The following CNEP1R1 variants were observed in gnomAD, a reference collection of about 807,000 sequenced individuals.
CNEP1R1 encodes the protein CTD nuclear envelope phosphatase 1 regulatory subunit 1.
CNEP1R1 carries 10 observed loss-of-function variants against 22.7 expected under a neutral mutation model. The ratio of observed to expected loss-of-function variants is 0.44; its 90% CI spans 0.27 to 0.75. The LOEUF (loss-of-function observed/expected upper bound fraction) is 0.75. CNEP1R1 is among the 30% of genes least tolerant of loss of function. The pLI, the probability that CNEP1R1 is intolerant of heterozygous loss-of-function variation, is 0.17. For missense variants in CNEP1R1, 73 were observed against 151.5 expected (o/e 0.48, Z 2.72); for synonymous variants, 53 against 50.1 (o/e 1.06, Z -0.25).
chr16:50,036,845 A>T lies in CNEP1R1; in HGVS notation c.*1387A>T, dbSNP rs1482042700. 7 of 152,640 alleles carry T rather than the reference A, an allele frequency of 4.6e-5. No individual in the cohort carries two copies. The highest frequency in any genetic ancestry group is 4.6e-4 in the Admixed American group (7 of 15,276). The allele number at this position is 152,640 out of a possible 1,614,324, so 9.5% of individuals were successfully genotyped here. A position where few individuals can be genotyped will look rare whatever the true frequency, so the allele number is the denominator to read the frequency against. ...TGAGCAATCTTTTAAATTTCATTTA[A>T]CATAAAGCTGAAAATTCAATAACAG... On this transcript the variant is annotated 3_prime_UTR_variant, in exon 6 of 6. Transcript: ENST00000427478.
intron 2 of CNEP1R1, among the ~76,000 whole-genome samples, chr16:50,028,762 T>C (rs1156351831): frequency 6.6e-6 from 1 of 152,208 alleles, no homozygotes; most frequent in African/African-American, 2.4e-5. Context: ...CATACATGTG[T>C]AATATAGTGC....
intron 1 of CNEP1R1, chr16:50,025,921 G>T (rs1597115710): frequency 2.5e-5 from 14 of 551,956 alleles, no homozygotes. Flanking sequence ...GCCAGACGGC[G>T]TAGCCATTAA....
intron 3 of CNEP1R1, among the ~76,000 whole-genome samples, chr16:50,031,925 A>G (rs976329158): frequency 1.3e-5 from 2 of 152,228 alleles, no homozygotes; most frequent in Non-Finnish European, 2.9e-5. Flanking sequence ...AGCACTGTAT[A>G]TGCTAACCTG....
chr16:50,032,041 G>C (rs1224461210), intron 3 of CNEP1R1, among the ~76,000 whole-genome samples: 1 of 152,160 alleles, frequency 6.6e-6, no homozygotes, highest in Non-Finnish European at 1.5e-5. Flanking sequence ...ATCTTTCTGG[G>C]AGCTTCTTTC....
In CNEP1R1 at chr16:50,033,435, C is replaced by A; in HGVS notation, c.210C>A (p.Phe70Leu). ...FFTSLWNHPF[F>L]TISCITLIGL... is the part of the protein sequence containing the mutation. ...CATCATTATGGAATCACCCATTTTT[C>A]ACCATTAGCTGTATCACTCTAATAG... is the stretch of plus-strand genomic sequence containing the variant. Residue 70 changes from phenylalanine (F) to leucine (L), a missense_variant, in exon 4 of 6, where the codon TTC becomes TTA. By Grantham distance (22) the Phe-to-Leu change is conservative. Transcript: ENST00000427478. 6.2e-7 allele frequency: 1 copy of A among 1,601,020 alleles called. No homozygotes were observed. The highest frequency in any genetic ancestry group is 8.6e-7 in the Non-Finnish European group (1 of 1,169,428).
At chr16:50,026,110 G>T (rs2036180601) in intron 1 of CNEP1R1, 1 of 432,688 alleles carries the variant, frequency 2.3e-6, no homozygotes, top group East Asian at 3.5e-5. Context: ...CGCTGGCCGA[G>T]GCTGCTGCTT....
At position 50,035,675 on chromosome 16, in the gene CNEP1R1, CT is replaced by C. The variant is rs2036269993; in HGVS notation, c.*220del. 2 of 491,348 alleles carry C rather than the reference CT, an allele frequency of 4.1e-6. No individual in the cohort carries two copies. Among genetic ancestry groups the C allele is most frequent in the African/African-American group, 4.0e-5 (2 of 50,498 alleles). 30.4% of individuals were successfully genotyped at this position (491,348 alleles called of 1,614,324 possible). On this transcript the variant is annotated 3_prime_UTR_variant, in exon 6 of 6. Transcript: ENST00000427478. ...TACCTGTGTTTCAGTATTAGTGTCA[CT>C]TTAGTACTTCAGATCCTGCAAATAT... is the stretch of plus-strand genomic sequence containing the variant.
intron 1 of CNEP1R1, among the ~76,000 whole-genome samples, chr16:50,025,940 A>C (rs1160465187): frequency 1.3e-5 from 2 of 152,232 alleles, no homozygotes; most frequent in Non-Finnish European, 2.9e-5. Context: ...AATTAAATAT[A>C]AGAGCTGGAA....
intron 3 of CNEP1R1, among the ~76,000 whole-genome samples, chr16:50,033,087 T>C (rs1187250038): frequency 6.6e-6 from 1 of 152,180 alleles, no homozygotes; most frequent in Non-Finnish European, 1.5e-5. Context: ...TCTTCACTCA[T>C]TCAATGCAGA....
At chr16:50,025,674 C>G (rs773110861) in intron 1 of CNEP1R1, 3 of 1,613,998 alleles carry the variant, frequency 1.9e-6, no homozygotes, top group Middle Eastern at 1.7e-4. Flanking sequence ...ATCCCTGATT[C>G]CTGCGGTGGT....
intron 3 of CNEP1R1, 97 bp from the exon 4 acceptor site, chr16:50,033,300 T>TA (rs1175553543): frequency 7.9e-6 from 4 of 504,080 alleles, no homozygotes; most frequent in African/African-American, 2.0e-5. Flanking sequence ...GTTTATATGA[T>TA]AAAAAATATT....
At chr16:50,030,908 C>T (rs1381932315) in intron 3 of CNEP1R1, among the ~76,000 whole-genome samples, 1 of 152,204 alleles carries the variant, frequency 6.6e-6, no homozygotes, top group African/African-American at 2.4e-5. Context: ...ATACCAAATG[C>T]AATAACTGAT....
intron 5 of CNEP1R1, among the ~76,000 whole-genome samples, chr16:50,035,188 C>T (rs574233368): frequency 6.6e-6 from 1 of 151,768 alleles, no homozygotes. Flanking sequence ...ACCGTCTCTA[C>T]AAAAAATGAA....
At position 50,029,469 on chromosome 16, in the gene CNEP1R1, C is replaced by T. The variant is rs190441197; in HGVS notation, c.98-256C>T. Among the ~76,000 whole-genome samples, 578 of 152,292 alleles carry T rather than the reference C, an allele frequency of 3.8e-3. 3 individuals are homozygous for T. Among genetic ancestry groups the T allele is most frequent in the African/African-American group, 0.013 (551 of 41,564 alleles). ...CTACTGAAGTGTCACCATCGAATTG[C>T]TTTTTATTTCATTGATCATCATAAG... On this transcript the variant is annotated intron_variant, in intron 2 of 5. Coordinates refer to ENST00000427478, the MANE Select transcript of CNEP1R1 (RefSeq NM_001281789.2).
At position 50,034,113 on chromosome 16, in the gene CNEP1R1, G is replaced by A. The variant is rs1339172158; in HGVS notation, c.293G>A (p.Arg98Gln). Residue 98 changes from arginine to glutamine, a missense_variant, in exon 5 of 6, where the codon CGA becomes CAA. Transcript: ENST00000427478. ...CCACATGTATTCAGTATAGCTGCTC[G>A]ATGTCGAACGGTATTAGCAGAATAC... The part of the protein sequence containing the change: ...RVVAPSIIAA[R>Q]CRTVLAEYNM... 4 of 1,594,714 alleles carry A rather than the reference G, an allele frequency of 2.5e-6. No individual in the cohort carries two copies. Among genetic ancestry groups the A allele is most frequent in the East Asian group, 2.2e-5 (1 of 44,478 alleles).
At chr16:50,027,556 G>A (rs1390102565) in intron 2 of CNEP1R1, among the ~76,000 whole-genome samples, 6 of 151,610 alleles carry the variant, frequency 4.0e-5, no homozygotes, top group Admixed American at 6.6e-5. Context: ...ACACCCCGAG[G>A]TCCCAGCAAC....
chr16:50,034,316 A>G, intron 5 of CNEP1R1, 160 bp downstream of exon 5: 2 of 583,998 alleles, frequency 3.4e-6, no homozygotes, highest in East Asian at 2.9e-5. Flanking sequence ...TACATTTAAC[A>G]TCTTTGGCAT....
chr16:50,033,162 T>TA (rs1039586989), intron 3 of CNEP1R1, among the ~76,000 whole-genome samples: 4 of 152,202 alleles, frequency 2.6e-5, no homozygotes, highest in African/African-American at 9.7e-5. Flanking sequence ...ATAGTTCAAG[T>TA]ATTTGAAATG....
chr16:50,025,282 A>C lies in CNEP1R1; in HGVS notation c.-34A>C. The C allele has an allele frequency of 7.1e-7, 1 of 1,406,034 alleles. No homozygotes were observed. Among genetic ancestry groups the C allele is most frequent in the East Asian group, 2.9e-5 (1 of 34,980 alleles). The allele number at this position is 1,406,034 out of a possible 1,614,324, so 87.1% of individuals were successfully genotyped here. On this transcript the variant is annotated 5_prime_UTR_variant, in exon 1 of 6. Coordinates refer to ENST00000427478, the MANE Select transcript of CNEP1R1 (RefSeq NM_001281789.2). Reference sequence around the variant, plus strand: ...GGGCCGCGGAAGCTGCGATGCGGACAGGGCAGCGGCGGTGACCCGAGCTGC... The same window carrying C: ...GGGCCGCGGAAGCTGCGATGCGGACCGGGCAGCGGCGGTGACCCGAGCTGC...
Sources: allele counts gnomAD v4.1 joint callset (sites outside exome capture counted in the v4.1 genomes callset), GRCh38; gene constraint gnomAD v4.1.1; transcripts MANE v1.5; gene names NCBI Gene and HGNC (gene_info 2026-07-23, HGNC 2026-07-21).